Variants in RANBP2 observed in about 807,000 individuals in gnomAD.
The protein encoded by RANBP2 is RAN binding protein 2, also known as E3 SUMO-protein ligase RanBP2.
RANBP2 carries 57 observed loss-of-function variants against 303.6 expected under a neutral mutation model. That is an observed-to-expected ratio of 0.19 (90% CI 0.15 to 0.23). RANBP2 has a LOEUF of 0.23. Ranked by LOEUF, RANBP2 falls within the 10% of genes least tolerant of loss-of-function variation. The pLI is 1.00. For synonymous variants in RANBP2, 1,167 were observed against 1,301.5 expected (o/e 0.90, Z 2.23); for missense variants, 3,138 against 3,780.8 (o/e 0.83, Z 4.46).
chr2:108,794,268 G>A, the RANBP2 span, among the ~76,000 whole-genome samples: 4 of 152,078 alleles, frequency 2.6e-5, no homozygotes, highest in East Asian at 1.9e-4. Context: ...TTGGCAATTA[G>A]TGTCTTTTTA....
chr2:108,843,104 A>G, the RANBP2 span, among the ~76,000 whole-genome samples: 2 of 151,562 alleles, frequency 1.3e-5, no homozygotes, highest in Non-Finnish European at 2.9e-5. Context: ...TCCCTCTTTC[A>G]TTATATCCTA....
chr2:109,318,324 C>T, the RANBP2 span, among the ~76,000 whole-genome samples: 4,545 of 152,124 alleles, frequency 0.03, 78 homozygotes, highest in Non-Finnish European at 0.04. Flanking sequence ...TGGTGCCTCC[C>T]GGCCCCCAGC....
the RANBP2 span, among the ~76,000 whole-genome samples, chr2:108,927,523 G>T: frequency 6.6e-6 from 1 of 152,164 alleles, no homozygotes; most frequent in African/African-American, 2.4e-5. Context: ...CTGGCCTTCG[G>T]GTACTGATGG....
chr2:109,521,648 C>T, the RANBP2 span, among the ~76,000 whole-genome samples: 2 of 152,184 alleles, frequency 1.3e-5, no homozygotes, highest in Non-Finnish European at 2.9e-5. Flanking sequence ...TTATTTGACA[C>T]TTGATGTTTT....
chr2:109,217,757 T>C, the RANBP2 span, among the ~76,000 whole-genome samples: 2 of 152,134 alleles, frequency 1.3e-5, no homozygotes, highest in South Asian at 2.1e-4. Flanking sequence ...ACTCAACTAA[T>C]AGATCATTCT....
At chr2:109,381,375 G>A in the RANBP2 span, among the ~76,000 whole-genome samples, 1 of 152,170 alleles carries the variant, frequency 6.6e-6, no homozygotes, top group African/African-American at 2.4e-5. Context: ...TCAATGGCGG[G>A]GTTACTTTTA....
At chr2:109,410,533 C>T in the RANBP2 span, among the ~76,000 whole-genome samples, 2 of 152,344 alleles carry the variant, frequency 1.3e-5, no homozygotes, top group East Asian at 1.9e-4. Flanking sequence ...CCCTGCCAGC[C>T]GACCTTGCAC....
chr2:109,378,336 A>C, the RANBP2 span, among the ~76,000 whole-genome samples: 1 of 152,204 alleles, frequency 6.6e-6, no homozygotes, highest in Non-Finnish European at 1.5e-5. Flanking sequence ...CAAGAACCAC[A>C]TAGGCAGTGG....
At chr2:108,726,320 A>G (rs1272953398) in intron 1 of RANBP2, among the ~76,000 whole-genome samples, 1 of 152,192 alleles carries the variant, frequency 6.6e-6, no homozygotes, top group African/African-American at 2.4e-5. Context: ...GCTTGTGTTC[A>G]AGTAACCTTT....
chr2:109,471,134 AC>A, the RANBP2 span, among the ~76,000 whole-genome samples: 1 of 144,532 alleles, frequency 6.9e-6, no homozygotes, highest in Admixed American at 7.2e-5. Flanking sequence ...AATCACTTGA[AC>A]CCAGGGGGCA....
At chr2:109,415,474 G>A in the RANBP2 span, among the ~76,000 whole-genome samples, 8 of 152,104 alleles carry the variant, frequency 5.3e-5, no homozygotes, top group Admixed American at 2.0e-4. Context: ...TGCTACAGTC[G>A]CGGCTGCTAT....
chr2:109,688,044 G>A, the RANBP2 span, among the ~76,000 whole-genome samples: 2 of 152,178 alleles, frequency 1.3e-5, no homozygotes, highest in African/African-American at 4.8e-5. Context: ...GTGGGAGAGG[G>A]TGGTAAGACA....
the RANBP2 span, among the ~76,000 whole-genome samples, chr2:109,088,431 AC>A: frequency 2.6e-5 from 4 of 151,462 alleles, no homozygotes; most frequent in African/African-American, 9.7e-5. Context: ...AGCGAAAGAG[AC>A]AAAAACATGG....
chr2:109,666,687 CT>C, the RANBP2 span, among the ~76,000 whole-genome samples: 1 of 152,094 alleles, frequency 6.6e-6, no homozygotes, highest in Non-Finnish European at 1.5e-5. Flanking sequence ...ATGTTGGCTG[CT>C]AATTGGAGGA....
At chr2:109,583,342 T>C in the RANBP2 span, among the ~76,000 whole-genome samples, 3 of 152,074 alleles carry the variant, frequency 2.0e-5, no homozygotes, top group Non-Finnish European at 4.4e-5. Flanking sequence ...CATTAAAAAG[T>C]GGCCAAAAGA....
At chr2:109,092,523 CT>C in the RANBP2 span, among the ~76,000 whole-genome samples, 1 of 152,156 alleles carries the variant, frequency 6.6e-6, no homozygotes, top group Non-Finnish European at 1.5e-5. Flanking sequence ...AATTGAGAAT[CT>C]TTTACCTACA....
chr2:109,337,386 A>G, the RANBP2 span, among the ~76,000 whole-genome samples: 2 of 152,168 alleles, frequency 1.3e-5, no homozygotes, highest in Admixed American at 6.5e-5. Context: ...CTCTGCATCC[A>G]AGGCTAGGTC....
At chr2:109,380,149 G>T in the RANBP2 span, among the ~76,000 whole-genome samples, 1 of 152,188 alleles carries the variant, frequency 6.6e-6, no homozygotes, top group African/African-American at 2.4e-5. Flanking sequence ...GGTGTTCATT[G>T]TAGTTTGGGT....
At chr2:108,832,033 T>C in the RANBP2 span, among the ~76,000 whole-genome samples, 1 of 147,184 alleles carries the variant, frequency 6.8e-6, no homozygotes, top group Non-Finnish European at 1.5e-5. Flanking sequence ...ACGCACAGCT[T>C]TTTTTCTCTT....
Sources: allele counts gnomAD v4.1 joint callset (sites outside exome capture counted in the v4.1 genomes callset), GRCh38; gene constraint gnomAD v4.1.1; transcripts MANE v1.5; gene names NCBI Gene and HGNC (gene_info 2026-07-23, HGNC 2026-07-21).